Variants in KIF26B observed in about 807,000 individuals in gnomAD.
The protein encoded by KIF26B is kinesin-like protein KIF26B.
In KIF26B, 63 loss-of-function variants were observed where a neutral mutation model predicts 151.2. The observed-to-expected ratio is 0.42, with a 90% CI of 0.34 to 0.51. The LOEUF (loss-of-function observed/expected upper bound fraction) is 0.51, where lower values mean the gene tolerates loss of function less well. KIF26B is among the 20% of genes least tolerant of loss of function. The probability of loss-of-function intolerance (pLI) is 0.07; values close to 1 mark genes in which losing one functional copy is unlikely to be tolerated. For synonymous variants in KIF26B, 1,357 were observed against 1,262.1 expected (o/e 1.08, Z -1.59); for missense variants, 2,813 against 2,913.6 (o/e 0.97, Z 0.79).
chr1:245,420,949 G>A (rs901026957), intron 4 of KIF26B, among the ~76,000 whole-genome samples: 1 of 152,170 alleles, frequency 6.6e-6, no homozygotes, highest in Admixed American at 6.5e-5. Context: ...GGGCTTGTTG[G>A]AAGACCGGCT....
chr1:245,232,971 A>G (rs1670029381), intron 2 of KIF26B, among the ~76,000 whole-genome samples: 1 of 152,202 alleles, frequency 6.6e-6, no homozygotes, highest in South Asian at 2.1e-4. Flanking sequence ...CGAGGCAGCC[A>G]TTACTACTCT....
intron 3 of KIF26B, among the ~76,000 whole-genome samples, chr1:245,415,594 A>G (rs1010928465): frequency 6.6e-6 from 1 of 152,152 alleles, no homozygotes; most frequent in African/African-American, 2.4e-5. Context: ...ATATGATTGT[A>G]ATTGTTGAAG....
intron 2 of KIF26B, among the ~76,000 whole-genome samples, chr1:245,270,284 TC>T (rs879888392): frequency 0.38 from 45,395 of 118,418 alleles, 12,270 homozygotes; most frequent in East Asian, 0.48. Context: ...TTTCCTTCTT[TC>T]CTTCCCTTCC....
At chr1:245,483,932 C>G (rs1660222744) in intron 4 of KIF26B, among the ~76,000 whole-genome samples, 1 of 151,824 alleles carries the variant, frequency 6.6e-6, no homozygotes, top group Non-Finnish European at 1.5e-5. Context: ...TCTGAGTTTC[C>G]TCATTCCACC....
In KIF26B at chr1:245,325,816, A is replaced by G. The variant is rs776487523; in HGVS notation, c.466-41018A>G. On this transcript the variant is annotated intron_variant, in intron 2 of 14. Coordinates refer to ENST00000407071, the MANE Select transcript of KIF26B (RefSeq NM_018012.4). Reference sequence around the variant, plus strand: ...ATCCTGGGACAGCATTTGGTGTGCCAGGTAGAGCGTGTGTGGCGGAGGGGG... The same window carrying G: ...ATCCTGGGACAGCATTTGGTGTGCCGGGTAGAGCGTGTGTGGCGGAGGGGG... Among the ~76,000 whole-genome samples, 10 of 152,202 alleles carry G rather than the reference A, an allele frequency of 6.6e-5. 1 individual carries two copies. The highest frequency in any genetic ancestry group is 6.5e-5 in the Admixed American group (1 of 15,286).
chr1:245,361,035 G>A (rs1162443572), intron 2 of KIF26B, among the ~76,000 whole-genome samples: 2 of 152,134 alleles, frequency 1.3e-5, no homozygotes, highest in Admixed American at 1.3e-4. Flanking sequence ...GGGTTGTGAC[G>A]AGAAATGCCT....
chr1:245,529,085 G>A (rs1048201900), intron 4 of KIF26B, among the ~76,000 whole-genome samples: 8 of 152,160 alleles, frequency 5.3e-5, no homozygotes, highest in African/African-American at 9.7e-5. Flanking sequence ...TGCAGATGGC[G>A]TCTTAGTCAT....
chr1:245,509,254 G>A (rs1486347940), intron 4 of KIF26B, among the ~76,000 whole-genome samples: 1 of 152,212 alleles, frequency 6.6e-6, no homozygotes, highest in Non-Finnish European at 1.5e-5. Context: ...TACTTACAAT[G>A]AGAAATACAA....
chr1:245,446,974 C>T (rs1256319821), intron 4 of KIF26B, among the ~76,000 whole-genome samples: 1 of 152,166 alleles, frequency 6.6e-6, no homozygotes, highest in African/African-American at 2.4e-5. Context: ...CTGATTACAG[C>T]CAGTGGTCTC....
chr1:245,464,917 C>T (rs1245239009), intron 4 of KIF26B, among the ~76,000 whole-genome samples: 2 of 152,026 alleles, frequency 1.3e-5, no homozygotes, highest in African/African-American at 4.8e-5. Flanking sequence ...TGCACAGGAG[C>T]CACGTGGACA....
At chr1:245,299,322 T>G (rs6679155) in intron 2 of KIF26B, among the ~76,000 whole-genome samples, 14 of 37,682 alleles carry the variant, frequency 3.7e-4, no homozygotes, top group African/African-American at 7.6e-4. Flanking sequence ...AATTCTGGGT[T>G]TTTTTTTTTT....
chr1:245,377,027 G>A (rs1673293121), intron 3 of KIF26B, among the ~76,000 whole-genome samples: 1 of 151,466 alleles, frequency 6.6e-6, no homozygotes, highest in Admixed American at 6.6e-5. Flanking sequence ...TGATGCTCAT[G>A]CCTCAGCCTC....
intron 3 of KIF26B, among the ~76,000 whole-genome samples, chr1:245,403,772 T>G (rs1173996): frequency 0.42 from 63,514 of 152,096 alleles, 15,564 homozygotes; most frequent in South Asian, 0.64. Flanking sequence ...GAAATGCAAA[T>G]AGCATAGTTT....
intron 4 of KIF26B, among the ~76,000 whole-genome samples, chr1:245,424,470 G>A (rs776953090): frequency 6.6e-6 from 1 of 152,202 alleles, no homozygotes; most frequent in Non-Finnish European, 1.5e-5. Context: ...AGTAAAATAT[G>A]TTTTGAAATA....
At chr1:245,398,394 C>T (rs879367311) in intron 3 of KIF26B, among the ~76,000 whole-genome samples, 14 of 152,116 alleles carry the variant, frequency 9.2e-5, no homozygotes, top group Non-Finnish European at 1.9e-4. Context: ...TACAGAGAGC[C>T]TTATCAGCTT....
At chr1:245,504,298 GTCTC>G (rs985311856) in intron 4 of KIF26B, among the ~76,000 whole-genome samples, 1 of 150,134 alleles carries the variant, frequency 6.7e-6, no homozygotes, top group Non-Finnish European at 1.5e-5. Context: ...CTCCTTCTTG[GTCTC>G]TCTCTCTCTC....
chr1:245,257,253 A>G (rs765308840), intron 2 of KIF26B, among the ~76,000 whole-genome samples: 26 of 152,212 alleles, frequency 1.7e-4, no homozygotes, highest in Non-Finnish European at 3.1e-4. Flanking sequence ...TCTTACATGT[A>G]TTGATTGACC....
chr1:245,541,734 G>A (rs898703768), intron 5 of KIF26B, among the ~76,000 whole-genome samples: 4 of 152,092 alleles, frequency 2.6e-5, no homozygotes, highest in Admixed American at 6.5e-5. Flanking sequence ...TCGTGACTCC[G>A]GCCCTGGGCT....
rs141103023 is a variant in KIF26B, at chr1:245,239,390, G to A, written c.465+82707G>A. On this transcript the variant is annotated intron_variant, in intron 2 of 14. Transcript: ENST00000407071. The surrounding 1 kb of genome is among the most constrained non-coding windows in gnomAD (Gnocchi z 4.3). ...ACGTTTTAATGATTTACTAGAAAGCGAATTCTTTCTTTGCATCAATTTTTA... is the reference window on the plus strand; with the variant it reads ...ACGTTTTAATGATTTACTAGAAAGCAAATTCTTTCTTTGCATCAATTTTTA... Among the ~76,000 whole-genome samples the A allele has an allele frequency of 1.6e-3, 242 of 152,302 alleles. 1 individual carries two copies. The highest frequency in any genetic ancestry group is 5.5e-3 in the African/African-American group (230 of 41,562).
Sources: gnomAD v4.1 joint callset for allele counts (sites outside exome capture counted in the v4.1 genomes callset) on GRCh38, gnomAD v4.1.1 for gene constraint, Gnocchi (gnomAD v3.1) non-coding constraint, MANE v1.5 for transcripts, NCBI Gene and HGNC (gene_info 2026-07-23, HGNC 2026-07-21) for gene names.